DMBT1: variants seen among roughly 807,000 people sequenced by gnomAD.
DMBT1 encodes the protein scavenger receptor cysteine-rich domain-containing protein DMBT1.
DMBT1 carries 198 observed loss-of-function variants against 252.9 expected under a neutral mutation model. The ratio of observed to expected loss-of-function variants is 0.78; its 90% confidence interval spans 0.70 to 0.88. The LOEUF (loss-of-function observed/expected upper bound fraction) is 0.88, where lower values mean the gene tolerates loss of function less well. Among genes scored for constraint, DMBT1 ranks in the 40% least tolerant of loss-of-function variants. DMBT1 has a pLI of 0.00. For synonymous variants in DMBT1, 990 were observed against 942.7 expected (o/e 1.05, Z -0.92); for missense variants, 2,432 against 2,404.7 (o/e 1.01, Z -0.24).
At chr10:122,619,059 T>G (rs2133632538) in intron 41 of DMBT1, among the ~76,000 whole-genome samples, 1 of 152,330 alleles carries the variant, frequency 6.6e-6, no homozygotes, top group Non-Finnish European at 1.5e-5. Context: ...GTGTTGGTTT[T>G]GGGTCAACCT....
rs1376137563 is a variant in DMBT1, at chr10:122,618,181, T to A, written c.5056T>A (p.Ser1686Thr). ...CRQLGCGWAM[S>T]APGNAQFGQG... is the part of the protein sequence containing the mutation. ...GCAGCTGGGCTGTGGCTGGGCCATG[T>A]CAGCCCCAGGAAATGCCCAGTTTGG... Residue 1686 changes from serine to threonine, a missense_variant, in exon 41 of 56, where the codon TCA becomes ACA. Physicochemically the swap from Ser to Thr is moderately conservative, Grantham distance 58. Coordinates refer to ENST00000338354, the MANE Select transcript of DMBT1 (RefSeq NM_001377530.1). 1 of 1,613,918 alleles carries A rather than the reference T, an allele frequency of 6.2e-7. No individual in the cohort carries two copies. The highest frequency in any genetic ancestry group is 1.3e-5 in the African/African-American group (1 of 75,034).
At chr10:122,580,292 A>G (rs570572376) in intron 10 of DMBT1, among the ~76,000 whole-genome samples, 46 of 152,310 alleles carry the variant, frequency 3.0e-4, no homozygotes, top group East Asian at 5.8e-4. Flanking sequence ...ATGCTTGGCT[A>G]AAAGTGGGTT....
At chr10:122,588,732 C>T (rs1297883049) in intron 16 of DMBT1, among the ~76,000 whole-genome samples, 1 of 148,878 alleles carries the variant, frequency 6.7e-6, no homozygotes, top group East Asian at 2.1e-4. Flanking sequence ...CAGGTGCTTC[C>T]CCAAAACTTG....
In DMBT1 at chr10:122,570,197, A is replaced by G; in HGVS notation, c.127A>G (p.Thr43Ala). 1 of 1,587,368 alleles carries G rather than the reference A, an allele frequency of 6.3e-7. No homozygotes were observed. Among genetic ancestry groups the G allele is most frequent in the South Asian group, 1.1e-5 (1 of 90,478 alleles). Residue 43 changes from threonine to alanine, a missense_variant, in exon 3 of 56, where the codon ACT becomes GCT. Physicochemically the swap from Thr to Ala is moderately conservative, Grantham distance 58. This residue lies in a region of DMBT1 where 1,264 missense variants were observed against 1,082.2 expected (regional missense o/e 1.17). Coordinates refer to ENST00000338354, the MANE Select transcript of DMBT1 (RefSeq NM_001377530.1). The stretch of plus-strand genomic sequence containing the variant: ...TCCCTCGGAGGTGCCCTTGGATCCA[A>G]CTGTAGCAGAAGGTAAGGTCTATTA... ...LIPSEVPLDP[T>A]VAEGSPFPSE...
intron 19 of DMBT1, among the ~76,000 whole-genome samples, 165 bp downstream of exon 19, chr10:122,591,682 G>T (rs1215642484): frequency 1.3e-5 from 2 of 148,422 alleles, no homozygotes; most frequent in Admixed American, 6.7e-5. Flanking sequence ...CCCGGGTCGG[G>T]TGTTAGAGGG....
chr10:122,623,330 A>G (rs28658379), intron 44 of DMBT1, among the ~76,000 whole-genome samples: 5,384 of 152,224 alleles, frequency 0.035, 123 homozygotes, highest in Middle Eastern at 0.068. Flanking sequence ...GGTTGCTTCC[A>G]TCTTTTGGCT....
intron 6 of DMBT1, among the ~76,000 whole-genome samples, chr10:122,575,007 C>T (rs2097699586): frequency 6.6e-6 from 1 of 152,178 alleles, no homozygotes; most frequent in Admixed American, 6.5e-5. Flanking sequence ...CACTTCCTCT[C>T]CAAGCCCCAG....
chr10:122,623,924 C>G (rs765491343), intron 44 of DMBT1, among the ~76,000 whole-genome samples: 8 of 152,216 alleles, frequency 5.3e-5, no homozygotes, highest in Non-Finnish European at 8.8e-5. Context: ...GTATGCACAA[C>G]TAAGTGTCCT....
rs1228183620 is a variant in DMBT1 at position 122,631,845 on chromosome 10, C to T, written c.6347-10C>T. The T allele has an allele frequency of 6.2e-7, 1 of 1,613,782 alleles. No individual in the cohort carries two copies. Among genetic ancestry groups the T allele is most frequent in the Non-Finnish European group, 8.5e-7 (1 of 1,179,812 alleles). ...CTGTGACCTATGCTTTTTTTCTATT[C>T]CTTTTTCAGGAAACCATCTATCGAC... On this transcript the variant is annotated splice_polypyrimidine_tract_variant and intron_variant, in intron 49 of 55. Coordinates refer to ENST00000338354, the MANE Select transcript of DMBT1 (RefSeq NM_001377530.1).
At position 122,589,008 on chromosome 10, in the gene DMBT1, G is replaced by A. The variant is rs1363329510; in HGVS notation, c.1848G>A (p.Glu616=). The change falls in exon 17 of 56, where the codon GAG becomes GAA. Residue 616 remains glutamate, a synonymous_variant. Transcript: ENST00000338354. ...GTGACAGGTGTCAGGGCCGAGTGGA[G>A]GTCCTATACCGAGGCTCTTGGGGCA... ...NGGDRCQGRV[E]VLYRGSWGTV... The A allele has an allele frequency of 2.5e-6, 4 of 1,588,646 alleles. 1 individual carries two copies. Among genetic ancestry groups the A allele is most frequent in the African/African-American group, 1.3e-5 (1 of 74,678 alleles).
At chr10:122,599,427 C>T (rs1341495824) in intron 26 of DMBT1, among the ~76,000 whole-genome samples, 1 of 152,212 alleles carries the variant, frequency 6.6e-6, no homozygotes, top group Admixed American at 6.5e-5. Flanking sequence ...GGATGCAGGA[C>T]AGACAGCAAG....
intron 42 of DMBT1, among the ~76,000 whole-genome samples, chr10:122,619,890 A>G (rs2098045203): frequency 6.6e-6 from 1 of 152,196 alleles, no homozygotes; most frequent in Non-Finnish European, 1.5e-5. Context: ...TTATCAGGAA[A>G]CTTGATACCC....
chr10:122,625,248 T>A, intron 44 of DMBT1, 29 bp from the exon 45 acceptor site: 1 of 1,607,606 alleles, frequency 6.2e-7, no homozygotes, highest in Non-Finnish European at 8.5e-7. Context: ...GCACTGGGAC[T>A]GACTCATGTT....
Position 122,618,135 on chromosome 10 carries a change from T to C in DMBT1, c.5010T>C (p.Asn1670=), listed in dbSNP as rs2098017166. 3.1e-6 allele frequency: 5 copies of C among 1,613,968 alleles called. No individual in the cohort carries two copies. The South Asian group carries it at 4.4e-5, about 14-fold the overall frequency. Residue 1670 remains asparagine, a synonymous_variant, in exon 41 of 56, where the codon AAT becomes AAC. Coordinates refer to ENST00000338354, the MANE Select transcript of DMBT1 (RefSeq NM_001377530.1). ...GTVCDDYWDT[N]DANVVCRQLG... is the part of the protein sequence containing the mutation. ...TGTGTGATGACTACTGGGACACCAATGATGCCAACGTGGTCTGCAGGCAGC... is the reference window on the plus strand; with the variant it reads ...TGTGTGATGACTACTGGGACACCAACGATGCCAACGTGGTCTGCAGGCAGC...
Position 122,634,368 on chromosome 10 carries a change from C to CTTTCTTTCTTTCTTTCTT in DMBT1, c.6548+1029_6548+1046dup, listed in dbSNP as rs1555030080. Among the ~76,000 whole-genome samples the CTTTCTTTCTTTCTTTCTT allele has an allele frequency of 1.3e-4, 16 of 126,650 alleles. 1 individual carries two copies. The highest frequency in any genetic ancestry group is 3.1e-4 in the African/African-American group (9 of 29,480). 83.1% of individuals were successfully genotyped at this position (126,650 alleles called of 152,430 possible). A position where few individuals can be genotyped will look rare whatever the true frequency, so the allele number is the denominator to read the frequency against. On this transcript the variant is annotated intron_variant, in intron 52 of 55. Coordinates refer to ENST00000338354, the MANE Select transcript of DMBT1 (RefSeq NM_001377530.1). ...TCTTTCTTTCTTTCTTTCTTTCTTT[C>CTTTCTTTCTTTCTTTCTT]TTTCTTTCTTTCTTTCTTTCTTTCT...
chr10:122,599,384 C>T (rs1006608313), intron 26 of DMBT1, among the ~76,000 whole-genome samples: 1 of 152,138 alleles, frequency 6.6e-6, no homozygotes, highest in African/African-American at 2.4e-5. Context: ...CTCCATTTCT[C>T]CCCTGCTGAG....
intron 7 of DMBT1, among the ~76,000 whole-genome samples, chr10:122,577,159 G>A (rs1020706291): frequency 6.6e-6 from 1 of 152,162 alleles, no homozygotes; most frequent in Non-Finnish European, 1.5e-5. Flanking sequence ...AGGAACATCC[G>A]CATAACTCAT....
At position 122,630,284 on chromosome 10, in the gene DMBT1, A is replaced by G. The variant is rs769986470; in HGVS notation, c.5823-4A>G. 1.2e-6 allele frequency: 2 copies of G among 1,612,286 alleles called. No homozygotes were observed. Among genetic ancestry groups the G allele is most frequent in the Non-Finnish European group, 1.7e-6 (2 of 1,178,426 alleles). ...GTTGACTTGAATACATTTTCTCCAT[A>G]CAGATTGGAGGCACACCATAACTGC... On this transcript the variant is annotated splice_region_variant and splice_polypyrimidine_tract_variant and intron_variant, in intron 47 of 55. Coordinates refer to ENST00000338354, the MANE Select transcript of DMBT1 (RefSeq NM_001377530.1).
intron 1 of DMBT1, among the ~76,000 whole-genome samples, chr10:122,564,274 C>A (rs982920223): frequency 8.5e-5 from 13 of 152,186 alleles, no homozygotes; most frequent in African/African-American, 2.4e-5. Flanking sequence ...AATCTCTGAA[C>A]TGTGACTGTC....
Sources: gnomAD v4.1 joint callset for allele counts (sites outside exome capture counted in the v4.1 genomes callset) on GRCh38, gnomAD v4.1.1 for gene constraint, gnomAD v4.1.1 regional missense constraint, MANE v1.5 for transcripts, NCBI Gene and HGNC (gene_info 2026-07-23, HGNC 2026-07-21) for gene names.